Variants in LRP1B observed in about 807,000 individuals in gnomAD.
LRP1B encodes the protein low-density lipoprotein receptor-related protein 1B.
In LRP1B, 217 loss-of-function variants were observed where a neutral mutation model predicts 556.6. That is an observed-to-expected ratio of 0.39 (90% CI 0.35 to 0.44). The LOEUF (loss-of-function observed/expected upper bound fraction) is 0.44, where lower values mean the gene tolerates loss of function less well. Ranked by LOEUF, LRP1B falls within the 20% of genes least tolerant of loss-of-function variation. The pLI is 1.00. For missense variants in LRP1B, 5,053 were observed against 5,620.8 expected, an observed-to-expected ratio of 0.90 and a Z score of 3.23; for synonymous variants, 2,047 against 1,865.8, an observed-to-expected ratio of 1.10 and a Z score of -2.50.
intron 21 of LRP1B, among the ~76,000 whole-genome samples, chr2:140,917,039 T>C (rs1694601059): frequency 6.6e-6 from 1 of 152,174 alleles, no homozygotes; most frequent in Non-Finnish European, 1.5e-5. Context: ...TTTAGGTTGT[T>C]TGGGACCTTT....
In LRP1B at chr2:142,016,490, A is replaced by C. The variant is rs182138136; in HGVS notation, c.82+114158T>G. The stretch of plus-strand genomic sequence containing the variant: ...TGGCACATATACACAATAGAATACT[A>C]TGCAGCCATAAAAAAGGATGAGTTC... On this transcript the variant is annotated intron_variant, in intron 1 of 90. Transcript: ENST00000389484. Among the ~76,000 whole-genome samples the C allele has an allele frequency of 6.7e-3, 1,024 of 152,324 alleles. 11 individuals carry two copies. The highest frequency in any genetic ancestry group is 0.023 in the African/African-American group (968 of 41,556).
chr2:141,373,195 G>A (rs886260323), intron 3 of LRP1B, among the ~76,000 whole-genome samples: 1 of 151,918 alleles, frequency 6.6e-6, no homozygotes, highest in Admixed American at 6.6e-5. Flanking sequence ...ATCCACTGTG[G>A]TCTGGAAGGT....
At chr2:141,618,033 T>A (rs1345025662) in intron 2 of LRP1B, among the ~76,000 whole-genome samples, 1 of 152,180 alleles carries the variant, frequency 6.6e-6, no homozygotes, top group East Asian at 1.9e-4. Flanking sequence ...AACCAGTGCT[T>A]GCAAAAGGTC....
chr2:142,130,664 G>C lies in LRP1B; in HGVS notation c.66C>G (p.Thr22=), dbSNP rs376587472. 6.2e-7 allele frequency: 1 copy of C among 1,613,076 alleles called. No homozygotes were observed. The highest frequency in any genetic ancestry group is 1.3e-5 in the African/African-American group (1 of 74,882). ...SGLLPIARVL[T]VGADRDQQLC... is the part of the protein sequence containing the mutation. ...TCTCCTTACCTCGGTCGGCTCCCACGGTCAGCACCCTGGCAATCGGCAATA... is the reference window on the plus strand; with the variant it reads ...TCTCCTTACCTCGGTCGGCTCCCACCGTCAGCACCCTGGCAATCGGCAATA... The change falls in exon 1 of 91, where the codon ACC becomes ACG. Residue 22 remains threonine (T), a synonymous_variant. Coordinates refer to ENST00000389484, the MANE Select transcript of LRP1B (RefSeq NM_018557.3).
At chr2:141,757,329 C>T (rs751841932) in intron 2 of LRP1B, among the ~76,000 whole-genome samples, 1 of 152,096 alleles carries the variant, frequency 6.6e-6, no homozygotes, top group Non-Finnish European at 1.5e-5. Context: ...CTTATTAGTA[C>T]CATTCCTAGC....
chr2:141,725,303 G>A (rs542455325), intron 2 of LRP1B, among the ~76,000 whole-genome samples: 1 of 151,790 alleles, frequency 6.6e-6, no homozygotes, highest in Non-Finnish European at 1.5e-5. Flanking sequence ...AAATAAACTC[G>A]ACTTCTTCAA....
chr2:141,100,170 CA>C (rs1180838866), intron 7 of LRP1B, among the ~76,000 whole-genome samples: 1 of 152,116 alleles, frequency 6.6e-6, no homozygotes, highest in Non-Finnish European at 1.5e-5. Context: ...TAATAGCTCA[CA>C]GGGGGAAATA....
At chr2:141,310,243 G>A (rs1447296233) in intron 3 of LRP1B, among the ~76,000 whole-genome samples, 1 of 152,120 alleles carries the variant, frequency 6.6e-6, no homozygotes, top group Non-Finnish European at 1.5e-5. Context: ...AGCAATTTTA[G>A]TAGAGAAATT....
chr2:140,692,081 A>C (rs1686263063), intron 41 of LRP1B, among the ~76,000 whole-genome samples: 1 of 152,100 alleles, frequency 6.6e-6, no homozygotes, highest in Admixed American at 6.5e-5. Context: ...CTTACAGAAA[A>C]GTTTCAAAAA....
chr2:141,050,870 C>T (rs958950315), intron 10 of LRP1B, among the ~76,000 whole-genome samples: 6 of 151,952 alleles, frequency 3.9e-5, no homozygotes, highest in South Asian at 2.1e-4. Flanking sequence ...AGAACATTTT[C>T]GCAATCTACC....
intron 41 of LRP1B, among the ~76,000 whole-genome samples, chr2:140,629,599 C>T (rs1284074825): frequency 6.6e-6 from 1 of 152,082 alleles, no homozygotes; most frequent in Non-Finnish European, 1.5e-5. Flanking sequence ...AAATGGAATA[C>T]TATGTAGTTG....
chr2:141,123,856 A>G (rs1244097285), intron 7 of LRP1B, among the ~76,000 whole-genome samples: 1 of 152,166 alleles, frequency 6.6e-6, no homozygotes, highest in Non-Finnish European at 1.5e-5. Flanking sequence ...ATCATAAAGT[A>G]TAAAAATTTA....
intron 7 of LRP1B, among the ~76,000 whole-genome samples, chr2:141,104,574 A>T (rs1344174249): frequency 6.6e-6 from 1 of 152,208 alleles, no homozygotes; most frequent in African/African-American, 2.4e-5. Flanking sequence ...TCTCCGCTAG[A>T]TTCAGTCTAT....
intron 3 of LRP1B, among the ~76,000 whole-genome samples, chr2:141,287,928 A>G (rs1685782337): frequency 1.3e-5 from 2 of 152,164 alleles, no homozygotes; most frequent in South Asian, 4.1e-4. Context: ...TTTAAATTAT[A>G]TGAAACTTTT....
intron 41 of LRP1B, among the ~76,000 whole-genome samples, chr2:140,652,686 A>T (rs1174426669): frequency 6.6e-6 from 1 of 152,048 alleles, no homozygotes; most frequent in Non-Finnish European, 1.5e-5. Context: ...CCTTTCATGT[A>T]CAAAAGAAAG....
intron 2 of LRP1B, among the ~76,000 whole-genome samples, chr2:141,635,866 G>A (rs765269707): frequency 4.6e-5 from 7 of 152,092 alleles, no homozygotes; most frequent in Non-Finnish European, 8.8e-5. Context: ...GAAAATGAGT[G>A]GTCGCATCTC....
intron 1 of LRP1B, among the ~76,000 whole-genome samples, chr2:141,818,824 C>A (rs1221324124): frequency 6.6e-6 from 1 of 151,656 alleles, no homozygotes; most frequent in Non-Finnish European, 1.5e-5. Context: ...GCGTGAGCTA[C>A]CGCACCTGGA....
At chr2:140,508,205 A>G (rs1035261762) in intron 52 of LRP1B, among the ~76,000 whole-genome samples, 1 of 152,086 alleles carries the variant, frequency 6.6e-6, no homozygotes, top group African/African-American at 2.4e-5. Context: ...TACATGAAAC[A>G]CCTTTCTCTT....
rs552486960 is a variant in LRP1B, at chr2:141,108,151, C to T, written c.1014-45878G>A. Among the ~76,000 whole-genome samples the T allele has an allele frequency of 5.9e-5, 9 of 152,062 alleles. 1 individual carries two copies. Among genetic ancestry groups the T allele is most frequent in the African/African-American group, 1.4e-4 (6 of 41,488 alleles). On this transcript the variant is annotated intron_variant, in intron 7 of 90. Transcript: ENST00000389484. ...TAATCTGCATTCCTCCCAAGAAGTC[C>T]GTGTCATTAAATGTGTTTCCTTTAG...
Sources: allele counts gnomAD v4.1 joint callset (sites outside exome capture counted in the v4.1 genomes callset), GRCh38; gene constraint gnomAD v4.1.1; transcripts MANE v1.5; gene names NCBI Gene and HGNC (gene_info 2026-07-23, HGNC 2026-07-21).